The following SLC12A4 variants were observed in gnomAD, a reference collection of about 807,000 sequenced individuals.
SLC12A4 encodes electroneutral potassium-chloride cotransporter 1.
Under a neutral mutation model 119.2 loss-of-function variants are expected in SLC12A4, and 84 were observed. The observed-to-expected ratio is 0.70, with a 90% CI of 0.59 to 0.85. The LOEUF (loss-of-function observed/expected upper bound fraction) is 0.85, where lower values mean the gene tolerates loss of function less well. SLC12A4 is among the 40% of genes least tolerant of loss of function. The pLI is 0.00. For missense variants in SLC12A4, 1,298 were observed against 1,476.3 expected (o/e 0.88, Z 1.98); for synonymous variants, 599 against 604.6 (o/e 0.99, Z 0.14).
In SLC12A4 at chr16:67,958,936, C is replaced by T. The variant is rs191641027; in HGVS notation, c.343-892G>A. 1.1e-3 allele frequency among the ~76,000 whole-genome samples: 170 copies of T among 152,224 alleles called. 1 individual carries two copies. The highest frequency in any genetic ancestry group is 3.6e-3 in the African/African-American group (150 of 41,540). ...ATACTCCCTATCACAGTGGTCACTA[C>T]AGGTCATGGTAACAGAATGTGCTTG... On this transcript the variant is annotated intron_variant, in intron 3 of 23. Coordinates refer to ENST00000316341, the MANE Select transcript of SLC12A4 (RefSeq NM_005072.5).
At position 67,943,901 on chromosome 16, in the gene SLC12A4, C is replaced by G; in HGVS notation, c.*939G>C. The G allele has an allele frequency of 6.7e-7, 1 of 1,486,512 alleles. No individual in the cohort carries two copies. Among genetic ancestry groups the G allele is most frequent in the Non-Finnish European group, 9.1e-7 (1 of 1,104,642 alleles). The allele number at this position is 1,486,512 out of a possible 1,614,324, so 92.1% of individuals were successfully genotyped here. A position where few individuals can be genotyped will look rare whatever the true frequency, so the allele number is the denominator to read the frequency against. On this transcript the variant is annotated 3_prime_UTR_variant, in exon 24 of 24. Transcript: ENST00000316341. This position sits in a 1 kb window ranked among gnomAD's most constrained non-coding sequence, Gnocchi z 4.6. ...CAGCTGCCAGGGGCTGGGGCCCAGG[C>G]TCCCCAGGGTCTGGCGTGGTGCATC...
At chr16:67,948,754 G>A (rs1356589286) in intron 13 of SLC12A4, among the ~76,000 whole-genome samples, 1 of 152,162 alleles carries the variant, frequency 6.6e-6, no homozygotes, top group African/African-American at 2.4e-5. Flanking sequence ...CTGAGATGTA[G>A]CCTCTGATTT....
Position 67,964,396 on chromosome 16 carries a change from C to T in SLC12A4, c.116-837G>A, listed in dbSNP as rs977203978. ...AATAAGCCTGCCTCAACTCCCAAAG[C>T]TCGACTGTTTTTTCTGGCCTCCTAT... On this transcript the variant is annotated intron_variant, in intron 1 of 23. Coordinates refer to ENST00000316341, the MANE Select transcript of SLC12A4 (RefSeq NM_005072.5). 5.9e-5 allele frequency among the ~76,000 whole-genome samples: 9 copies of T among 152,182 alleles called. No individual in the cohort carries two copies. In the South Asian group the frequency reaches 1.7e-3, roughly 28 times the overall value.
chr16:67,965,732 C>T (rs1304449318), intron 1 of SLC12A4, among the ~76,000 whole-genome samples: 4 of 152,188 alleles, frequency 2.6e-5, no homozygotes, highest in African/African-American at 4.8e-5. Context: ...AAGACCTAGC[C>T]TATCCCTTGT....
chr16:67,955,072 C>T (rs1020704280), intron 5 of SLC12A4, among the ~76,000 whole-genome samples: 1 of 152,230 alleles, frequency 6.6e-6, no homozygotes, highest in African/African-American at 2.4e-5. Context: ...ATGCCCTGTG[C>T]ACAGCCCACA....
chr16:67,958,630 T>C (rs2030400518), intron 3 of SLC12A4, among the ~76,000 whole-genome samples: 2 of 152,082 alleles, frequency 1.3e-5, no homozygotes, highest in Non-Finnish European at 1.5e-5. Context: ...TCATCACCCA[T>C]GCTGAAAACC....
chr16:67,965,594 C>T (rs900791025), intron 1 of SLC12A4, among the ~76,000 whole-genome samples: 1 of 152,172 alleles, frequency 6.6e-6, no homozygotes, highest in African/African-American at 2.4e-5. Context: ...ATAATTTATT[C>T]TAAACTCATG....
Position 67,947,662 on chromosome 16 carries a change from C to A in SLC12A4, c.1967+7G>T. On this transcript the variant is annotated splice_region_variant and intron_variant, in intron 15 of 23. Coordinates refer to ENST00000316341, the MANE Select transcript of SLC12A4 (RefSeq NM_005072.5). ...CTGGCAGAGGCCAGGTGGCAGTGCTCACTCACCCTTGGTACTCGATGTATT... is the reference window on the plus strand; with the variant it reads ...CTGGCAGAGGCCAGGTGGCAGTGCTAACTCACCCTTGGTACTCGATGTATT... 1 of 1,594,648 alleles carries A rather than the reference C, an allele frequency of 6.3e-7. No individual in the cohort carries two copies. Among genetic ancestry groups the A allele is most frequent in the East Asian group, 2.3e-5 (1 of 44,152 alleles).
At chr16:67,967,230 A>C (rs1008663508) in intron 1 of SLC12A4, among the ~76,000 whole-genome samples, 1 of 152,222 alleles carries the variant, frequency 6.6e-6, no homozygotes, top group Non-Finnish European at 1.5e-5. Context: ...GCCATCATTC[A>C]CATTGGGCAT....
In SLC12A4 at chr16:67,943,650, C is replaced by A; in HGVS notation, c.*1190G>T. Reference sequence around the variant, plus strand: ...CAAGGAAGGAGTGGTGGGGCTTGGCCCAGAGTCTGGTGTGGCTGTGACTGA... The same window carrying A: ...CAAGGAAGGAGTGGTGGGGCTTGGCACAGAGTCTGGTGTGGCTGTGACTGA... On this transcript the variant is annotated 3_prime_UTR_variant, in exon 24 of 24. Transcript: ENST00000316341. This position sits in a 1 kb window ranked among gnomAD's most constrained non-coding sequence, Gnocchi z 4.6. The A allele has an allele frequency of 1.9e-6, 1 of 529,774 alleles. No homozygotes were observed. Among genetic ancestry groups the A allele is most frequent in the Non-Finnish European group, 3.4e-6 (1 of 294,426 alleles). 32.8% of individuals were successfully genotyped at this position (529,774 alleles called of 1,614,324 possible). A position where few individuals can be genotyped will look rare whatever the true frequency, so the allele number is the denominator to read the frequency against.
chr16:67,950,914 G>A lies in SLC12A4; in HGVS notation c.1396+48C>T, dbSNP rs770741272. On this transcript the variant is annotated intron_variant, in intron 10 of 23. Transcript: ENST00000316341. This position sits in a 1 kb window ranked among gnomAD's most constrained non-coding sequence, Gnocchi z 4.3. Reference sequence around the variant, plus strand: ...TGACCTGGCAACGTACACAGGCCAAGCGCTTCCCGTCCTCTGCCCCACCTG... The same window carrying A: ...TGACCTGGCAACGTACACAGGCCAAACGCTTCCCGTCCTCTGCCCCACCTG... The A allele has an allele frequency of 6.3e-7, 1 of 1,591,834 alleles. No individual in the cohort carries two copies. The highest frequency in any genetic ancestry group is 8.6e-7 in the Non-Finnish European group (1 of 1,161,598).
chr16:67,951,869 C>T lies in SLC12A4; in HGVS notation c.1086G>A (p.Val362=), dbSNP rs971325878. Reference sequence around the variant, plus strand: ...CCCCGGGGATGCCAGGGATCTCGGTCACATTGTTGAGCATGAAGTAGGGGT... The same window carrying T: ...CCCCGGGGATGCCAGGGATCTCGGTTACATTGTTGAGCATGAAGTAGGGGT... ...SCDPYFMLNN[V]TEIPGIPGAA... The change falls in exon 8 of 24, where the codon GTG becomes GTA. Residue 362 remains valine (V), a synonymous_variant. Transcript: ENST00000316341. This position sits in a 1 kb window ranked among gnomAD's most constrained non-coding sequence, Gnocchi z 5.2. The T allele has an allele frequency of 6.2e-7, 1 of 1,613,672 alleles. No individual in the cohort carries two copies. Among genetic ancestry groups the T allele is most frequent in the African/African-American group, 1.3e-5 (1 of 74,906 alleles).
chr16:67,964,281 C>T (rs1751886202), intron 1 of SLC12A4, among the ~76,000 whole-genome samples: 2 of 152,244 alleles, frequency 1.3e-5, no homozygotes, highest in Admixed American at 1.3e-4. Context: ...GCCGCTTGCC[C>T]CAGGCAAACC....
chr16:67,956,131 C>A (rs538502430), intron 5 of SLC12A4, among the ~76,000 whole-genome samples: 1 of 151,942 alleles, frequency 6.6e-6, no homozygotes, highest in Non-Finnish European at 1.5e-5. Flanking sequence ...GAGCTGAGAT[C>A]GTGCCACTGC....
intron 1 of SLC12A4, chr16:67,966,978 C>A (rs2030896557): frequency 8.4e-7 from 1 of 1,183,626 alleles, no homozygotes; most frequent in African/African-American, 1.6e-5. Context: ...CCCACTGGTC[C>A]AGGCTGATCC....
Position 67,943,657 on chromosome 16 carries a change from C to G in SLC12A4, c.*1183G>C. On this transcript the variant is annotated 3_prime_UTR_variant, in exon 24 of 24. Transcript: ENST00000316341. This position sits in a 1 kb window ranked among gnomAD's most constrained non-coding sequence, Gnocchi z 4.6. ...GGAGTGGTGGGGCTTGGCCCAGAGT[C>G]TGGTGTGGCTGTGACTGACCACAGC... 1 of 532,856 alleles carries G rather than the reference C, an allele frequency of 1.9e-6. No individual in the cohort carries two copies. The allele number at this position is 532,856 out of a possible 1,614,324, so 33.0% of individuals were successfully genotyped here.
At chr16:67,946,899 T>C in intron 17 of SLC12A4, 38 bp downstream of exon 17, 1 of 1,600,086 alleles carries the variant, frequency 6.2e-7, no homozygotes, top group Non-Finnish European at 8.5e-7. Flanking sequence ...TCCAGACCCC[T>C]GTAGTCTGGC....
chr16:67,952,469 G>C, intron 6 of SLC12A4, 44 bp from the exon 7 acceptor site: 1 of 1,606,178 alleles, frequency 6.2e-7, no homozygotes, highest in Non-Finnish European at 8.5e-7. Flanking sequence ...TTCTTATTTG[G>C]AAAGTGAAAC....
intron 1 of SLC12A4, chr16:67,964,085 G>A: frequency 7.2e-6 from 11 of 1,525,646 alleles, no homozygotes; most frequent in South Asian, 1.2e-5. Context: ...GCGTCCTGCA[G>A]GGCAGCCCGG....
Sources: allele counts gnomAD v4.1 joint callset (sites outside exome capture counted in the v4.1 genomes callset), GRCh38; gene constraint gnomAD v4.1.1; non-coding constraint Gnocchi (gnomAD v3.1); transcripts MANE v1.5; gene names NCBI Gene and HGNC (gene_info 2026-07-23, HGNC 2026-07-21).